The following NBEA variants were observed in gnomAD, a reference collection of about 807,000 sequenced individuals.
The protein encoded by NBEA is lysosomal-trafficking regulator 2.
In NBEA, 44 loss-of-function variants were observed where a neutral mutation model predicts 343.4. That is an observed-to-expected ratio of 0.13 (90% confidence interval 0.10 to 0.16). The LOEUF is 0.16. NBEA is among the 10% of genes least tolerant of loss of function. NBEA has a pLI of 1.00. For missense variants in NBEA, 2,555 were observed against 3,631.3 expected (o/e 0.70, Z 7.62); for synonymous variants, 1,175 against 1,238.7 (o/e 0.95, Z 1.08).
intron 6 of NBEA, 121 bp from the exon 7 acceptor site, chr13:35,055,889 T>C: frequency 1.5e-6 from 1 of 675,692 alleles, no homozygotes. Context: ...TCAAGTGGTA[T>C]TAGATGATCC....
chr13:35,466,397 T>C lies in NBEA; in HGVS notation c.6449-6003T>C, dbSNP rs143347525. On this transcript the variant is annotated intron_variant, in intron 40 of 58. Coordinates refer to ENST00000379939, the MANE Select transcript of NBEA (RefSeq NM_001385012.1). Reference sequence around the variant, plus strand: ...TGTGAATATGTTGGGGAGGAAGTAGTACTGAAGTTTAACTTCATAACCCTT... The same window carrying C: ...TGTGAATATGTTGGGGAGGAAGTAGCACTGAAGTTTAACTTCATAACCCTT... Among the ~76,000 whole-genome samples the C allele has an allele frequency of 3.8e-3, 576 of 152,340 alleles. 1 individual carries two copies. The highest frequency in any genetic ancestry group is 0.013 in the African/African-American group (551 of 41,572).
chr13:35,483,517 A>G (rs1360365274), intron 41 of NBEA, among the ~76,000 whole-genome samples: 1 of 151,998 alleles, frequency 6.6e-6, no homozygotes, highest in Admixed American at 6.6e-5. Context: ...TTGTATAAAT[A>G]TACATTATTA....
In NBEA at chr13:35,331,986, T is replaced by G. The variant is rs553284887; in HGVS notation, c.5904-17122T>G. Among the ~76,000 whole-genome samples, 11 of 152,162 alleles carry G rather than the reference T, an allele frequency of 7.2e-5. No individual in the cohort carries two copies. The South Asian group carries it at 2.3e-3, about 32-fold the overall frequency. On this transcript the variant is annotated intron_variant, in intron 36 of 58. Coordinates refer to ENST00000379939, the MANE Select transcript of NBEA (RefSeq NM_001385012.1). ...AATGTACTGTACAGTTTTATAGCTT[T>G]AACAAAAATGACATGATCATTAAAA...
In NBEA at chr13:35,151,494, G is replaced by A. The variant is rs560410446; in HGVS notation, c.2446-4280G>A. The stretch of plus-strand genomic sequence containing the variant: ...GGAGGTGGAGGTTGCGGTGAGCCGA[G>A]ATTATGCCATTGCACTCCAGCCTGA... On this transcript the variant is annotated intron_variant, in intron 18 of 58. Coordinates refer to ENST00000379939, the MANE Select transcript of NBEA (RefSeq NM_001385012.1). Among the ~76,000 whole-genome samples the A allele has an allele frequency of 3.5e-5, 5 of 144,052 alleles. No individual in the cohort carries two copies. The South Asian group carries it at 1.1e-3, about 31-fold the overall frequency. The allele number at this position is 144,052 out of a possible 152,430, so 94.5% of individuals were successfully genotyped here.
Position 34,942,957 on chromosome 13 carries a change from G to A in NBEA, c.137G>A (p.Arg46Lys). ...GGGGGCAGCGGGATGGGGGAGCTAAGGGGGGCGTCCGGCTCCGGCTCGGTG... is the reference window on the plus strand; with the variant it reads ...GGGGGCAGCGGGATGGGGGAGCTAAAGGGGGCGTCCGGCTCCGGCTCGGTG... ...GTGGSGMGEL[R>K]GASGSGSVML... The change falls in exon 1 of 59, where the codon AGG (arginine) becomes AAG (lysine). Residue 46 changes from arginine (R) to lysine (K), a missense_variant. By Grantham distance (26) the Arg-to-Lys change is conservative (BLOSUM62 2). Around this residue, in one of 21 missense-constraint regions of NBEA, gnomAD observed 122 missense variants for 91.0 expected, o/e 1.34. Coordinates refer to ENST00000379939, the MANE Select transcript of NBEA (RefSeq NM_001385012.1). 6.3e-7 allele frequency: 1 copy of A among 1,598,412 alleles called. No homozygotes were observed. Among genetic ancestry groups the A allele is most frequent in the East Asian group, 2.3e-5 (1 of 43,122 alleles).
intron 41 of NBEA, among the ~76,000 whole-genome samples, chr13:35,517,260 C>A (rs1469043539): frequency 6.6e-6 from 1 of 152,106 alleles, no homozygotes; most frequent in East Asian, 1.9e-4. Context: ...AAAGGTATGT[C>A]CTTTCAGTCA....
intron 46 of NBEA, among the ~76,000 whole-genome samples, chr13:35,588,208 A>G (rs1282673107): frequency 6.6e-6 from 1 of 152,134 alleles, no homozygotes; most frequent in East Asian, 1.9e-4. Flanking sequence ...TGTTTTGGAC[A>G]GATCTATAAA....
At chr13:35,145,042 C>A (rs1593498269) in intron 18 of NBEA, among the ~76,000 whole-genome samples, 1 of 152,162 alleles carries the variant, frequency 6.6e-6, no homozygotes, top group Admixed American at 6.5e-5. Context: ...GTTAGTAAAT[C>A]TTTTGAACTT....
chr13:35,611,394 C>T (rs1349317741), intron 48 of NBEA, among the ~76,000 whole-genome samples: 1 of 152,194 alleles, frequency 6.6e-6, no homozygotes, highest in African/African-American at 2.4e-5. Context: ...AACAAAATCA[C>T]TTTCTTGCTG....
chr13:35,202,714 A>G (rs1040832448), intron 31 of NBEA, among the ~76,000 whole-genome samples: 9 of 152,078 alleles, frequency 5.9e-5, no homozygotes, highest in African/African-American at 1.7e-4. Context: ...TTATATTTAT[A>G]TCTTAGTTTG....
intron 43 of NBEA, 60 bp downstream of exon 43, chr13:35,551,092 A>G: frequency 1.0e-6 from 1 of 977,928 alleles, no homozygotes; most frequent in Admixed American, 2.4e-5. Flanking sequence ...TCTCAATATT[A>G]CAGCAATGTA....
At chr13:35,171,762 C>G (rs1370130537) in intron 26 of NBEA, among the ~76,000 whole-genome samples, 4 of 151,872 alleles carry the variant, frequency 2.6e-5, no homozygotes, top group Non-Finnish European at 5.9e-5. Context: ...ATTTTTAATG[C>G]AAATCCATTT....
At chr13:35,431,801 C>A in intron 38 of NBEA, among the ~76,000 whole-genome samples, 1 of 152,092 alleles carries the variant, frequency 6.6e-6, no homozygotes, top group Non-Finnish European at 1.5e-5. Context: ...TCCAAGTGGG[C>A]AATATTTTAT....
chr13:35,466,418 C>A (rs1045637726), intron 40 of NBEA, among the ~76,000 whole-genome samples: 5 of 152,128 alleles, frequency 3.3e-5, no homozygotes, highest in Non-Finnish European at 7.4e-5. Context: ...AACTTCATAA[C>A]CCTTAAGGCA....
At chr13:35,469,003 G>T (rs561386916) in intron 40 of NBEA, among the ~76,000 whole-genome samples, 1 of 148,340 alleles carries the variant, frequency 6.7e-6, no homozygotes, top group South Asian at 2.1e-4. Context: ...GGAGGCTGAG[G>T]CAGGAGAATC....
At chr13:35,509,446 G>A (rs970478902) in intron 41 of NBEA, among the ~76,000 whole-genome samples, 10 of 152,136 alleles carry the variant, frequency 6.6e-5, no homozygotes, top group African/African-American at 2.4e-4. Flanking sequence ...GGGAATGGGG[G>A]CAGGAGAGTC....
In NBEA at chr13:35,569,132, A is replaced by T. The variant is rs562055382; in HGVS notation, c.7035+2115A>T. Among the ~76,000 whole-genome samples the T allele has an allele frequency of 5.9e-4, 90 of 152,278 alleles. 1 individual carries two copies. The South Asian group carries it at 6.6e-3, about 11-fold the overall frequency. On this transcript the variant is annotated intron_variant, in intron 45 of 58. Transcript: ENST00000379939. ...TCATTGATATAGGCCATATGCTTTG[A>T]ATTGTGTTTCAAATAATGATGATGA... is the stretch of plus-strand genomic sequence containing the variant.
intron 41 of NBEA, among the ~76,000 whole-genome samples, chr13:35,533,487 C>A (rs2078370494): frequency 1.3e-5 from 2 of 152,142 alleles, no homozygotes; most frequent in Non-Finnish European, 2.9e-5. Context: ...AAGTTAATTT[C>A]TCATTCCTCA....
chr13:35,182,525 A>G lies in NBEA; in HGVS notation c.4828A>G (p.Thr1610Ala), dbSNP rs2071386264. ...GCAAGAAATAAATTCACCAACAAGTACAGGTACTTAACATTGTATAATTAT... is the reference window on the plus strand; with the variant it reads ...GCAAGAAATAAATTCACCAACAAGTGCAGGTACTTAACATTGTATAATTAT... ...IRQEINSPTS[T>A]VVVIPSIPHP... The change falls in exon 29 of 59, where the codon ACA (threonine) becomes GCA (alanine). Residue 1610 changes from threonine to alanine, a missense_variant. Around this residue, in one of 21 missense-constraint regions of NBEA, gnomAD observed 270 missense variants for 293.3 expected, o/e 0.92. Transcript: ENST00000379939. 1 of 1,607,216 alleles carries G rather than the reference A, an allele frequency of 6.2e-7. No individual in the cohort carries two copies. Among genetic ancestry groups the G allele is most frequent in the Non-Finnish European group, 8.5e-7 (1 of 1,175,992 alleles).
Sources: allele counts gnomAD v4.1 joint callset (sites outside exome capture counted in the v4.1 genomes callset), GRCh38; gene constraint gnomAD v4.1.1; regional missense constraint gnomAD v4.1.1; transcripts MANE v1.5; gene names NCBI Gene and HGNC (gene_info 2026-07-23, HGNC 2026-07-21).